MYO16: variants seen among roughly 807,000 people sequenced by gnomAD.
The protein encoded by MYO16 is myosin XVI, also known as unconventional myosin-XVI.
MYO16 carries 94 observed loss-of-function variants against 205.3 expected under a neutral mutation model. The observed-to-expected ratio is 0.46, with a 90% CI of 0.39 to 0.54. The LOEUF (loss-of-function observed/expected upper bound fraction) is 0.54. MYO16 is among the 20% of genes least tolerant of loss of function. The pLI is 0.00. For synonymous variants in MYO16, 988 were observed against 954.0 expected (o/e 1.04, Z -0.66); for missense variants, 2,315 against 2,387.5 (o/e 0.97, Z 0.63).
At chr13:108,586,270 G>A in the MYO16 span, among the ~76,000 whole-genome samples, 1 of 152,070 alleles carries the variant, frequency 6.6e-6, no homozygotes, top group African/African-American at 2.4e-5. Context: ...AACAAATAAA[G>A]TTTATAAATG....
At chr13:109,164,259 G>A (rs540331329) in intron 32 of MYO16, among the ~76,000 whole-genome samples, 2 of 152,314 alleles carry the variant, frequency 1.3e-5, no homozygotes, top group Admixed American at 6.5e-5. Context: ...AGAAGCATTT[G>A]CTGTGTTTCA....
intron 2 of MYO16, among the ~76,000 whole-genome samples, chr13:108,669,327 G>T (rs1189561272): frequency 6.6e-6 from 1 of 152,046 alleles, no homozygotes; most frequent in Non-Finnish European, 1.5e-5. Context: ...GAGTATGGAG[G>T]TGATTAGTTT....
chr13:108,930,319 AT>A (rs957779808), intron 16 of MYO16, among the ~76,000 whole-genome samples: 7 of 152,076 alleles, frequency 4.6e-5, no homozygotes, highest in South Asian at 2.1e-4. Context: ...CTCATTATCA[AT>A]TTTTTAATTA....
chr13:108,880,875 A>G (rs893784856), intron 12 of MYO16, among the ~76,000 whole-genome samples: 3 of 152,198 alleles, frequency 2.0e-5, no homozygotes, highest in East Asian at 1.9e-4. Context: ...TGAACTTTAA[A>G]GTAGTTTTTT....
intron 22 of MYO16, among the ~76,000 whole-genome samples, chr13:109,011,477 CT>C (rs775054349): frequency 0.057 from 7,123 of 125,552 alleles, 230 homozygotes; most frequent in African/African-American, 0.087. Flanking sequence ...TTTCTTTTTG[CT>C]TTTTTTTTTT....
At chr13:109,096,302 GCA>G (rs1888773740) in intron 27 of MYO16, among the ~76,000 whole-genome samples, 1 of 152,134 alleles carries the variant, frequency 6.6e-6, no homozygotes, top group Non-Finnish European at 1.5e-5. Flanking sequence ...ACCTCTGCCT[GCA>G]TCACGTGGCC....
intron 12 of MYO16, among the ~76,000 whole-genome samples, chr13:108,878,169 G>A (rs2139155277): frequency 6.6e-6 from 1 of 152,270 alleles, no homozygotes; most frequent in Non-Finnish European, 1.5e-5. Context: ...CCCCGGCAAA[G>A]GCCCCACCCT....
At chr13:108,948,927 T>C (rs1883039343) in intron 16 of MYO16, among the ~76,000 whole-genome samples, 1 of 152,238 alleles carries the variant, frequency 6.6e-6, no homozygotes, top group South Asian at 2.1e-4. Flanking sequence ...ATTTTGGCTA[T>C]GTTATGGACT....
intron 32 of MYO16, among the ~76,000 whole-genome samples, chr13:109,158,471 G>C (rs1221274639): frequency 6.6e-6 from 1 of 152,110 alleles, no homozygotes; most frequent in African/African-American, 2.4e-5. Flanking sequence ...CTCCTGTCAT[G>C]GCAAACTTAT....
At chr13:108,611,946 G>A (rs1344815254) in intron 1 of MYO16, among the ~76,000 whole-genome samples, 3 of 150,454 alleles carry the variant, frequency 2.0e-5, no homozygotes, top group African/African-American at 7.3e-5. Flanking sequence ...TAGATAGAAG[G>A]CAGGTAATAT....
chr13:108,567,374 C>T, the MYO16 span, among the ~76,000 whole-genome samples: 1 of 152,116 alleles, frequency 6.6e-6, no homozygotes, highest in Admixed American at 6.5e-5. Flanking sequence ...GACTGATAAT[C>T]GAAGTTGATA....
intron 2 of MYO16, among the ~76,000 whole-genome samples, chr13:108,672,947 T>C (rs1372000834): frequency 6.6e-6 from 1 of 151,546 alleles, no homozygotes; most frequent in African/African-American, 2.4e-5. Flanking sequence ...TGTTATTATC[T>C]GGTGCCTTGC....
In MYO16 at chr13:108,640,225, C is replaced by T. The variant is rs1044941342; in HGVS notation, c.28+10353C>T. On this transcript the variant is annotated intron_variant, in intron 1 of 34. Coordinates refer to ENST00000457511, the MANE Select transcript of MYO16 (RefSeq NM_001198950.3). ...GTTAAGATGTCTTCAATCAACAGCT[C>T]GGGTAACACTGTTTCAAGAGGCAGT... Among the ~76,000 whole-genome samples, 27 of 152,268 alleles carry T rather than the reference C, an allele frequency of 1.8e-4. 1 individual carries two copies. The highest frequency in any genetic ancestry group is 6.8e-3 in the Middle Eastern group (2 of 294).
intron 34 of MYO16, among the ~76,000 whole-genome samples, chr13:109,194,040 T>G (rs1880041501): frequency 6.6e-6 from 1 of 152,184 alleles, no homozygotes; most frequent in Admixed American, 6.5e-5. Context: ...AGTAATGACA[T>G]GCATAAGTTA....
At chr13:109,023,695 G>GCAAATATATGTATATATACA (rs1566468345) in intron 23 of MYO16, among the ~76,000 whole-genome samples, 20 of 113,468 alleles carry the variant, frequency 1.8e-4, no homozygotes, top group Non-Finnish European at 3.5e-4. Flanking sequence ...ACATATATAT[G>GCAAATATATGTATATATACA]TATATATGTA....
rs757444440 is a variant in MYO16, at chr13:108,823,185, A to G, written c.1004A>G (p.Glu335Gly). 2 of 1,613,138 alleles carry G rather than the reference A, an allele frequency of 1.2e-6. No homozygotes were observed. Among genetic ancestry groups the G allele is most frequent in the East Asian group, 4.5e-5 (2 of 44,850 alleles). ...CTGAAAGCCGAAATTGCCTGGGAAG[A>G]AAAAATGAAAGAGCCTTTATCTGCT... Reference protein sequence around the residue: ...MLLKAEIAWEEKMKEPLSAST... With the variant: ...MLLKAEIAWEGKMKEPLSAST... Residue 335 changes from glutamate to glycine, a missense_variant, in exon 9 of 35, where the codon GAA (glutamate) becomes GGA (glycine). Coordinates refer to ENST00000457511, the MANE Select transcript of MYO16 (RefSeq NM_001198950.3).
chr13:108,793,107 C>A (rs1373902253), intron 5 of MYO16, among the ~76,000 whole-genome samples: 1 of 151,958 alleles, frequency 6.6e-6, no homozygotes, highest in Non-Finnish European at 1.5e-5. Context: ...CACCGTGAAA[C>A]CCCATCTCTA....
the MYO16 span, among the ~76,000 whole-genome samples, chr13:108,528,449 A>G: frequency 6.6e-6 from 1 of 152,088 alleles, no homozygotes; most frequent in Non-Finnish European, 1.5e-5. Context: ...TTCTAAGTTA[A>G]TATAGCATGA....
intron 12 of MYO16, among the ~76,000 whole-genome samples, chr13:108,878,284 A>T (rs1414896174): frequency 6.6e-6 from 1 of 152,086 alleles, no homozygotes; most frequent in Non-Finnish European, 1.5e-5. Flanking sequence ...CCCAAACACC[A>T]GACTCCACAA....
Sources: allele counts gnomAD v4.1 joint callset (sites outside exome capture counted in the v4.1 genomes callset), GRCh38; gene constraint gnomAD v4.1.1; transcripts MANE v1.5; gene names NCBI Gene and HGNC (gene_info 2026-07-23, HGNC 2026-07-21).